Variants in PTPRN2 observed in about 807,000 individuals in gnomAD.
The protein encoded by PTPRN2 is protein tyrosine phosphatase receptor type N2, also known as receptor-type tyrosine-protein phosphatase N2.
In PTPRN2, 74 loss-of-function variants were observed where a neutral mutation model predicts 118.8. The observed-to-expected ratio is 0.62, with a 90% CI of 0.52 to 0.76. PTPRN2 has a LOEUF of 0.76. PTPRN2 is among the 30% of genes least tolerant of loss of function. The pLI is 0.00. For synonymous variants in PTPRN2, 641 were observed against 608.0 expected (o/e 1.05, Z -0.80); for missense variants, 1,481 against 1,394.4 (o/e 1.06, Z -0.99).
intron 3 of PTPRN2, among the ~76,000 whole-genome samples, chr7:158,281,503 T>C (rs538255270): frequency 2.8e-4 from 43 of 152,326 alleles, no homozygotes; most frequent in African/African-American, 9.4e-4. Flanking sequence ...AGAGACATTG[T>C]CATATGCCCA....
At position 158,084,544 on chromosome 7, in the gene PTPRN2, G is replaced by C. The variant is rs114554924; in HGVS notation, c.1644-3167C>G. ...ATCAGGAAATAAAAAGTAAAACAAA[G>C]ATGCCTAGAGCCCTGCAGAGTCTCT... is the stretch of plus-strand genomic sequence containing the variant. On this transcript the variant is annotated intron_variant, in intron 10 of 22. Transcript: ENST00000389418. Among the ~76,000 whole-genome samples the C allele has an allele frequency of 9.5e-3, 1,439 of 152,130 alleles. 28 individuals carry two copies. The highest frequency in any genetic ancestry group is 0.033 in the African/African-American group (1,369 of 41,474).
intron 3 of PTPRN2, among the ~76,000 whole-genome samples, chr7:158,269,705 T>G (rs184003108): frequency 1.3e-5 from 2 of 151,986 alleles, no homozygotes; most frequent in African/African-American, 4.8e-5. Context: ...CAAAGTCAGC[T>G]GACGGCTGGG....
chr7:157,887,449 T>TACCCGC, intron 12 of PTPRN2, among the ~76,000 whole-genome samples: 1 of 17,764 alleles, frequency 5.6e-5, no homozygotes, highest in Non-Finnish European at 1.0e-4. Context: ...CAGTACCCAC[T>TACCCGC]TCCTCCAGTA....
intron 11 of PTPRN2, chr7:158,030,383 C>T (rs1455556558): frequency 1.3e-5 from 2 of 152,224 alleles, no homozygotes; most frequent in African/African-American, 2.4e-5. Context: ...ACTATGTCCC[C>T]CAGCAAAGCA....
At chr7:157,921,545 G>C (rs1449643112) in intron 11 of PTPRN2, among the ~76,000 whole-genome samples, 1 of 152,196 alleles carries the variant, frequency 6.6e-6, no homozygotes, top group Admixed American at 6.5e-5. Context: ...GAGGTGATTA[G>C]GTCATTAAGA....
chr7:157,660,464 T>C (rs1306730460), intron 13 of PTPRN2, among the ~76,000 whole-genome samples: 1 of 152,192 alleles, frequency 6.6e-6, no homozygotes. Flanking sequence ...AAGTCACCAA[T>C]AGCAAACAAC....
intron 2 of PTPRN2, among the ~76,000 whole-genome samples, chr7:158,457,121 G>T (rs1425521041): frequency 1.3e-5 from 2 of 152,122 alleles, no homozygotes; most frequent in Non-Finnish European, 2.9e-5. Flanking sequence ...CACAGCAATG[G>T]CGCACGCAGG....
intron 11 of PTPRN2, among the ~76,000 whole-genome samples, chr7:158,040,399 C>CAA (rs1808372055): frequency 2.1e-5 from 2 of 96,622 alleles, no homozygotes; most frequent in South Asian, 5.3e-4. Context: ...GCACACACTT[C>CAA]ACACACACAC....
chr7:157,762,115 G>C (rs1802167998), intron 12 of PTPRN2, among the ~76,000 whole-genome samples: 1 of 151,966 alleles, frequency 6.6e-6, no homozygotes, highest in South Asian at 2.1e-4. Context: ...AGAGGGTGTG[G>C]AGAAATAGGA....
intron 12 of PTPRN2, among the ~76,000 whole-genome samples, chr7:157,746,116 G>A (rs190930905): frequency 6.7e-6 from 1 of 149,296 alleles, no homozygotes; most frequent in Admixed American, 6.7e-5. Flanking sequence ...ACAGGGCCAA[G>A]AGCATGGAGA....
intron 12 of PTPRN2, among the ~76,000 whole-genome samples, chr7:157,700,905 T>G (rs1798034332): frequency 6.6e-6 from 1 of 152,154 alleles, no homozygotes; most frequent in African/African-American, 2.4e-5. Context: ...TTGTTTGAGG[T>G]CGAATGCTGA....
chr7:157,679,717 G>A (rs891842418), intron 13 of PTPRN2, among the ~76,000 whole-genome samples: 3 of 134,328 alleles, frequency 2.2e-5, no homozygotes, highest in African/African-American at 9.4e-5. Flanking sequence ...GGTCGGGGCT[G>A]GGGGGTTCTG....
At chr7:158,290,847 ATTG>A (rs1800077158) in intron 3 of PTPRN2, among the ~76,000 whole-genome samples, 1 of 152,152 alleles carries the variant, frequency 6.6e-6, no homozygotes, top group Admixed American at 6.5e-5. Flanking sequence ...AGATGTTCAA[ATTG>A]TTGTTTCTGT....
intron 19 of PTPRN2, among the ~76,000 whole-genome samples, chr7:157,573,274 G>A (rs924032060): frequency 6.6e-6 from 1 of 152,198 alleles, no homozygotes; most frequent in African/African-American, 2.4e-5. Context: ...AATCAAGCAG[G>A]CTCAACTATC....
At chr7:158,550,879 G>A (rs1027351468) in intron 1 of PTPRN2, among the ~76,000 whole-genome samples, 2 of 152,148 alleles carry the variant, frequency 1.3e-5, no homozygotes, top group African/African-American at 2.4e-5. Context: ...TCAGGCGGCC[G>A]TCGCGCTTCC....
In PTPRN2 at chr7:157,609,390, AT is replaced by A. The variant is rs1015687113; in HGVS notation, c.2345-5316del. On this transcript the variant is annotated intron_variant, in intron 15 of 22. Coordinates refer to ENST00000389418, the MANE Select transcript of PTPRN2 (RefSeq NM_002847.5). The surrounding 1 kb of genome is among the most constrained non-coding windows in gnomAD (Gnocchi z 4.9). ...AAGAGTGAAACTCTGTCTCAAAAAA[AT>A]TTTTTTTTAAATATAAAAAAAAAGA... 3.0e-4 allele frequency among the ~76,000 whole-genome samples: 45 copies of A among 151,844 alleles called. No individual in the cohort carries two copies. The highest frequency in any genetic ancestry group is 5.8e-4 in the African/African-American group (24 of 41,384).
intron 12 of PTPRN2, among the ~76,000 whole-genome samples, chr7:157,766,617 G>A (rs1329070000): frequency 6.6e-6 from 1 of 152,226 alleles, no homozygotes; most frequent in Non-Finnish European, 1.5e-5. Flanking sequence ...GATGACTTGG[G>A]TGTTCCTCAC....
intron 2 of PTPRN2, among the ~76,000 whole-genome samples, chr7:158,388,732 C>T (rs570482202): frequency 1.1e-4 from 16 of 152,182 alleles, no homozygotes; most frequent in African/African-American, 3.4e-4. Flanking sequence ...TCTAATGGTG[C>T]CTTGGCCTTT....
At chr7:158,207,256 C>T (rs1388737530) in intron 3 of PTPRN2, among the ~76,000 whole-genome samples, 13 of 144,078 alleles carry the variant, frequency 9.0e-5, no homozygotes, top group African/African-American at 3.2e-4. Context: ...GTGAATAATG[C>T]CGCAATAAAC....
Sources: allele counts gnomAD v4.1 joint callset (sites outside exome capture counted in the v4.1 genomes callset), GRCh38; gene constraint gnomAD v4.1.1; non-coding constraint Gnocchi (gnomAD v3.1); transcripts MANE v1.5; gene names NCBI Gene and HGNC (gene_info 2026-07-23, HGNC 2026-07-21).